The following ATP6V1H variants were observed in gnomAD, a reference collection of about 807,000 sequenced individuals.
ATP6V1H encodes the protein V-type proton ATPase subunit H.
Under a neutral mutation model 71.7 loss-of-function variants are expected in ATP6V1H, and 39 were observed. The ratio of observed to expected loss-of-function variants is 0.54; its 90% CI spans 0.42 to 0.71. The LOEUF is 0.71. Ranked by LOEUF, ATP6V1H falls within the 30% of genes least tolerant of loss-of-function variation. The pLI is 0.00. For missense variants in ATP6V1H, 509 were observed against 594.9 expected (o/e 0.86, Z 1.50); for synonymous variants, 192 against 199.3 (o/e 0.96, Z 0.31).
chr8:53,785,170 TAC>T (rs1323442363), intron 9 of ATP6V1H, among the ~76,000 whole-genome samples: 2 of 152,014 alleles, frequency 1.3e-5, no homozygotes, highest in South Asian at 2.1e-4. Context: ...CACTTTCAGG[TAC>T]ACCAATCAGA....
At chr8:53,735,577 T>G (rs1031886392) in intron 13 of ATP6V1H, among the ~76,000 whole-genome samples, 23 of 152,156 alleles carry the variant, frequency 1.5e-4, no homozygotes, top group Non-Finnish European at 2.9e-5. Flanking sequence ...AGTTGCCCTA[T>G]AAGATTTTGT....
chr8:53,741,564 A>G (rs1273372828), intron 13 of ATP6V1H, among the ~76,000 whole-genome samples: 1 of 152,222 alleles, frequency 6.6e-6, no homozygotes, highest in Non-Finnish European at 1.5e-5. Context: ...TTTAAATTAA[A>G]TTCCTGAAAG....
chr8:53,733,374 G>T (rs1807093107), intron 13 of ATP6V1H, among the ~76,000 whole-genome samples: 1 of 152,162 alleles, frequency 6.6e-6, no homozygotes, highest in Non-Finnish European at 1.5e-5. Flanking sequence ...CTTCAGGGAG[G>T]CCCTGGCTCA....
Position 53,767,143 on chromosome 8 carries a change from T to C in ATP6V1H, c.1175+2475A>G, listed in dbSNP as rs1297125908. On this transcript the variant is annotated intron_variant, in intron 11 of 13. Transcript: ENST00000359530. Reference sequence around the variant, plus strand: ...TTTATTTCTCAAGCCAGCTGACACTTAGGAAAATAGAAAAGAACCTACGTG... The same window carrying C: ...TTTATTTCTCAAGCCAGCTGACACTCAGGAAAATAGAAAAGAACCTACGTG... Among the ~76,000 whole-genome samples the C allele has an allele frequency of 2.0e-5, 3 of 152,284 alleles. No homozygotes were observed. The East Asian group carries it at 5.8e-4, about 29-fold the overall frequency.
intron 11 of ATP6V1H, among the ~76,000 whole-genome samples, chr8:53,765,210 T>C (rs1267161715): frequency 6.6e-6 from 1 of 151,986 alleles, no homozygotes; most frequent in African/African-American, 2.4e-5. Flanking sequence ...GAGACTGGCC[T>C]GGCCAACATG....
chr8:53,808,401 A>C (rs1810160792), intron 7 of ATP6V1H, among the ~76,000 whole-genome samples: 1 of 152,240 alleles, frequency 6.6e-6, no homozygotes, highest in African/African-American at 2.4e-5. Context: ...ATATAATCTG[A>C]TGTCTATTTT....
chr8:53,764,318 C>T (rs1207240896), intron 11 of ATP6V1H, among the ~76,000 whole-genome samples: 1 of 152,034 alleles, frequency 6.6e-6, no homozygotes, highest in Admixed American at 6.6e-5. Context: ...ACATATAAAA[C>T]GAATTATAAA....
intron 9 of ATP6V1H, among the ~76,000 whole-genome samples, chr8:53,787,608 T>C (rs138971497): frequency 2.6e-5 from 4 of 152,302 alleles, no homozygotes; most frequent in African/African-American, 9.6e-5. Flanking sequence ...ATCTGACATA[T>C]AATGTAGGCT....
intron 6 of ATP6V1H, among the ~76,000 whole-genome samples, chr8:53,812,091 T>C (rs1029215498): frequency 2.6e-5 from 4 of 152,142 alleles, no homozygotes; most frequent in Non-Finnish European, 5.9e-5. Context: ...ATTGTTACTT[T>C]TTAAAACGAA....
chr8:53,805,975 T>G (rs1359254797), intron 7 of ATP6V1H, among the ~76,000 whole-genome samples: 1 of 152,158 alleles, frequency 6.6e-6, no homozygotes, highest in African/African-American at 2.4e-5. Flanking sequence ...ATAACCTTTG[T>G]GCGAGTTGAG....
At chr8:53,736,433 T>C (rs1807205889) in intron 13 of ATP6V1H, among the ~76,000 whole-genome samples, 1 of 152,214 alleles carries the variant, frequency 6.6e-6, no homozygotes. Flanking sequence ...TGACTAATTC[T>C]TTCCCCGAAC....
chr8:53,777,841 T>A (rs1808949740), intron 9 of ATP6V1H, among the ~76,000 whole-genome samples: 1 of 152,204 alleles, frequency 6.6e-6, no homozygotes, highest in Admixed American at 6.5e-5. Flanking sequence ...AAGAAAATTC[T>A]GCAGCTAAAG....
At chr8:53,793,847 G>A (rs137907139) in intron 9 of ATP6V1H, among the ~76,000 whole-genome samples, 9 of 152,252 alleles carry the variant, frequency 5.9e-5, no homozygotes, top group Non-Finnish European at 1.3e-4. Context: ...GCTGAGGCAC[G>A]AGAAACGCTT....
chr8:53,785,915 G>A (rs112151956), intron 9 of ATP6V1H, among the ~76,000 whole-genome samples: 1 of 151,970 alleles, frequency 6.6e-6, no homozygotes, highest in Non-Finnish European at 1.5e-5. Context: ...TCTCAGAGGA[G>A]TACCCGGCTG....
At chr8:53,837,496 A>G (rs1362171741) in intron 2 of ATP6V1H, among the ~76,000 whole-genome samples, 2 of 104,218 alleles carry the variant, frequency 1.9e-5, no homozygotes, top group East Asian at 6.3e-4. Context: ...ATGCTATGGA[A>G]AAAAAAAAAA....
chr8:53,721,454 A>G (rs1184627154), intron 13 of ATP6V1H, among the ~76,000 whole-genome samples: 1 of 152,184 alleles, frequency 6.6e-6, no homozygotes, highest in Non-Finnish European at 1.5e-5. Flanking sequence ...TAACATCACA[A>G]TATGTACCAT....
At chr8:53,832,919 C>T (rs1811053481) in intron 3 of ATP6V1H, 65 bp downstream of exon 3, 1 of 1,117,844 alleles carries the variant, frequency 8.9e-7, no homozygotes, top group Non-Finnish European at 1.3e-6. Context: ...CTTATAATCA[C>T]TAAGATTTTT....
chr8:53,793,539 G>A (rs996569870), intron 9 of ATP6V1H, among the ~76,000 whole-genome samples: 3 of 152,054 alleles, frequency 2.0e-5, no homozygotes, highest in African/African-American at 7.3e-5. Context: ...CAGCTACTTG[G>A]GAGGCTGAGG....
chr8:53,765,069 C>T (rs942116216), intron 11 of ATP6V1H, among the ~76,000 whole-genome samples: 10 of 152,044 alleles, frequency 6.6e-5, no homozygotes, highest in African/African-American at 2.4e-4. Context: ...CGCACCACTT[C>T]ACTCCAATCT....
Sources: allele counts gnomAD v4.1 joint callset (sites outside exome capture counted in the v4.1 genomes callset), GRCh38; gene constraint gnomAD v4.1.1; transcripts MANE v1.5; gene names NCBI Gene and HGNC (gene_info 2026-07-23, HGNC 2026-07-21).